The following CNTN2 variants were observed in gnomAD, a reference collection of about 807,000 sequenced individuals.
CNTN2 encodes the protein contactin-2.
Under a neutral mutation model 117.5 loss-of-function variants are expected in CNTN2, and 53 were observed. That is an observed-to-expected ratio of 0.45 (90% CI 0.36 to 0.57). The LOEUF (loss-of-function observed/expected upper bound fraction) is 0.57, where lower values mean the gene tolerates loss of function less well. Among genes scored for constraint, CNTN2 ranks in the 20% least tolerant of loss-of-function variants. The pLI, the probability that CNTN2 is intolerant of heterozygous loss-of-function variation, is 0.00. For missense variants in CNTN2, 1,106 were observed against 1,404.3 expected, an observed-to-expected ratio of 0.79 and a Z score of 3.39; for synonymous variants, 530 against 561.7, an observed-to-expected ratio of 0.94 and a Z score of 0.80.
rs1441694635 is a variant in CNTN2, at chr1:205,076,987, G to A, written c.*3222G>A. 1 of 152,182 alleles carries A rather than the reference G, an allele frequency of 6.6e-6. No homozygotes were observed. The highest frequency in any genetic ancestry group is 2.4e-5 in the African/African-American group (1 of 41,438). 9.4% of individuals were successfully genotyped at this position (152,182 alleles called of 1,614,324 possible). A position where few individuals can be genotyped will look rare whatever the true frequency, so the allele number is the denominator to read the frequency against. On this transcript the variant is annotated 3_prime_UTR_variant, in exon 23 of 23. Transcript: ENST00000331830. The stretch of plus-strand genomic sequence containing the variant: ...TCTGGAATGACCTTCCTCATTCCAG[G>A]AGGCCCTGGAATAAGGAAGAGGCTT...
chr1:205,064,788 T>C, intron 12 of CNTN2, 38 bp downstream of exon 12: 1 of 1,610,184 alleles, frequency 6.2e-7, no homozygotes. Context: ...GGGCTCAGCC[T>C]CCTCAGGGTA....
At position 205,058,587 on chromosome 1, in the gene CNTN2, G is replaced by A. The variant is rs1273875201; in HGVS notation, c.411G>A (p.Lys137=). The A allele has an allele frequency of 1.9e-6, 3 of 1,613,960 alleles. No individual in the cohort carries two copies. The highest frequency in any genetic ancestry group is 1.1e-5 in the South Asian group (1 of 91,064). The change falls in exon 5 of 23, where the codon AAG becomes AAA. Residue 137 remains lysine (K), a synonymous_variant. Transcript: ENST00000331830. This position sits in a 1 kb window ranked among gnomAD's most constrained non-coding sequence, Gnocchi z 4.3. ...CTCCAGTTCTGCAGGAATTCTCCAA[G>A]GAGGAGCGAGACCCAGTGAAAGCTC... ...LRFGFLQEFS[K]EERDPVKAHE...
rs10900444 is a variant in CNTN2 at position 205,075,288 on chromosome 1, C to A, written c.*1523C>A. ...ATGGGGATTGGCATGGCTGGGTTCC[C>A]GTCCAAGGTGTGGGCAGAGCTTCTA... On this transcript the variant is annotated 3_prime_UTR_variant, in exon 23 of 23. Coordinates refer to ENST00000331830, the MANE Select transcript of CNTN2 (RefSeq NM_005076.5). 148,847 of 163,738 alleles carry A rather than the reference C, an allele frequency of 0.91. 67,811 individuals carry two copies. Among genetic ancestry groups the A allele is most frequent in the East Asian group, 1 (5,823 of 5,828 alleles). 10.1% of individuals were successfully genotyped at this position (163,738 alleles called of 1,614,324 possible). A position where few individuals can be genotyped will look rare whatever the true frequency, so the allele number is the denominator to read the frequency against.
rs1420237444 is a variant in CNTN2, at chr1:205,058,522, C to A, written c.392-46C>A. On this transcript the variant is annotated intron_variant, in intron 4 of 22. Coordinates refer to ENST00000331830, the MANE Select transcript of CNTN2 (RefSeq NM_005076.5). This position sits in a 1 kb window ranked among gnomAD's most constrained non-coding sequence, Gnocchi z 4.3. ...GTGAAGGATGAGTCGGGGAGGGGCT[C>A]GCAGGCCAGGAGGACAGTGCCTGAG... is the stretch of plus-strand genomic sequence containing the variant. The A allele has an allele frequency of 1.9e-6, 3 of 1,597,802 alleles. No homozygotes were observed. The highest frequency in any genetic ancestry group is 1.1e-5 in the South Asian group (1 of 90,482).
chr1:205,065,377 T>G lies in CNTN2; in HGVS notation c.1695+115T>G. On this transcript the variant is annotated intron_variant, in intron 13 of 22. Transcript: ENST00000331830. This position sits in a 1 kb window ranked among gnomAD's most constrained non-coding sequence, Gnocchi z 4.1. ...AAACCCATAGCCTAAGCGCCCCCAT[T>G]CCCTCAGGCCCACACATGGCAAGCT... 9.2e-7 allele frequency: 1 copy of G among 1,084,728 alleles called. No homozygotes were observed. Among genetic ancestry groups the G allele is most frequent in the Non-Finnish European group, 1.3e-6 (1 of 747,300 alleles). The allele number at this position is 1,084,728 out of a possible 1,614,324, so 67.2% of individuals were successfully genotyped here.
chr1:205,072,789 A>C (rs1404152487), intron 21 of CNTN2, 194 bp downstream of exon 21: 2 of 659,354 alleles, frequency 3.0e-6, no homozygotes, highest in African/African-American at 3.7e-5. Context: ...AAACGGGCAG[A>C]TGGTATCACT....
Position 205,074,680 on chromosome 1 carries a change from C to A in CNTN2, c.*915C>A. 5.0e-6 allele frequency: 2 copies of A among 399,170 alleles called. No homozygotes were observed. Among genetic ancestry groups the A allele is most frequent in the Admixed American group, 4.4e-5 (1 of 22,744 alleles). The allele number at this position is 399,170 out of a possible 1,614,324, so 24.7% of individuals were successfully genotyped here. On this transcript the variant is annotated 3_prime_UTR_variant, in exon 23 of 23. Coordinates refer to ENST00000331830, the MANE Select transcript of CNTN2 (RefSeq NM_005076.5). ...AGGAGATGGCCAATCATGCGCCCAC[C>A]TCTCCAGTGCTGCCTGCAGTCAGCT...
In CNTN2 at chr1:205,067,140, T is replaced by C. The variant is rs1654334797; in HGVS notation, c.2015T>C (p.Val672Ala). 6.2e-7 allele frequency: 1 copy of C among 1,613,810 alleles called. No homozygotes were observed. Among genetic ancestry groups the C allele is most frequent in the African/African-American group, 1.3e-5 (1 of 74,888 alleles). ...NIEGNAETAQ[V>A]LGLTPWMDYE... ...GAGGGCAATGCCGAGACTGCACAGGTGCTGGGCCTCACCCCCTGGATGGAC... is the reference window on the plus strand; with the variant it reads ...GAGGGCAATGCCGAGACTGCACAGGCGCTGGGCCTCACCCCCTGGATGGAC... The change falls in exon 16 of 23, where the codon GTG (valine) becomes GCG (alanine). Residue 672 changes from valine (V) to alanine (A), a missense_variant. By Grantham distance (64) the Val-to-Ala change is moderately conservative. Coordinates refer to ENST00000331830, the MANE Select transcript of CNTN2 (RefSeq NM_005076.5).
In CNTN2 at chr1:205,067,260, C is replaced by T. The variant is rs1301103369; in HGVS notation, c.2125+10C>T. On this transcript the variant is annotated intron_variant, in intron 16 of 22. Transcript: ENST00000331830. ...CGGACCAGGGAAGCAGGTGAGAGTCCTGTGTGTCCCAAAAAGCTATCATCA... is the reference window on the plus strand; with the variant it reads ...CGGACCAGGGAAGCAGGTGAGAGTCTTGTGTGTCCCAAAAAGCTATCATCA... 6.2e-7 allele frequency: 1 copy of T among 1,607,200 alleles called. No individual in the cohort carries two copies. Among genetic ancestry groups the T allele is most frequent in the African/African-American group, 1.3e-5 (1 of 74,730 alleles).
Position 205,064,691 on chromosome 1 carries a change from C to T in CNTN2, c.1460C>T (p.Thr487Ile), listed in dbSNP as rs116647440. Residue 487 changes from threonine to isoleucine, a missense_variant, in exon 12 of 23, where the codon ACC becomes ATC. Physicochemically the swap from Thr to Ile is moderately conservative, Grantham distance 89 (BLOSUM62 -1). Coordinates refer to ENST00000331830, the MANE Select transcript of CNTN2 (RefSeq NM_005076.5). ...NISRSDEGKYTCFAENFMGKA... is the reference protein window; with the variant it reads ...NISRSDEGKYICFAENFMGKA... ...AGCCGGTCAGATGAAGGCAAATACA[C>T]CTGCTTTGCTGAGAACTTCATGGGC... is the stretch of plus-strand genomic sequence containing the variant. 4.6e-4 allele frequency: 746 copies of T among 1,614,182 alleles called. No individual in the cohort carries two copies. The highest frequency in any genetic ancestry group is 5.7e-4 in the Non-Finnish European group (670 of 1,180,022).
At chr1:205,072,352 C>T (rs56106622) in intron 20 of CNTN2, 131 bp from the exon 21 acceptor site, 155,222 of 779,506 alleles carry the variant, frequency 0.2, 17,453 homozygotes, top group East Asian at 0.5. Context: ...GGCTTTGTTT[C>T]GTGGGCATGA....
At chr1:205,047,819 A>G in intron 1 of CNTN2, among the ~76,000 whole-genome samples, 1 of 152,174 alleles carries the variant, frequency 6.6e-6, no homozygotes. Context: ...CTGAGCACTC[A>G]CTATGAGCCT....
chr1:205,066,952 T>A, intron 15 of CNTN2, 149 bp from the exon 16 acceptor site: 1 of 1,014,056 alleles, frequency 9.9e-7, no homozygotes, highest in East Asian at 2.6e-5. Context: ...AGTTTTTCAA[T>A]CATTTCTGAA....
At position 205,065,813 on chromosome 1, in the gene CNTN2, A is replaced by G. The variant is rs1224302096; in HGVS notation, c.1720A>G (p.Ile574Val). ...NVKETIGDLT[I>V]LNAQLRHGGK... is the part of the protein sequence containing the mutation. ...GAAGGAGACCATTGGGGATCTGACCATCCTGAACGCCCAGCTGCGCCATGG... is the reference window on the plus strand; with the variant it reads ...GAAGGAGACCATTGGGGATCTGACCGTCCTGAACGCCCAGCTGCGCCATGG... The change falls in exon 14 of 23, where the codon ATC (isoleucine) becomes GTC (valine). Residue 574 changes from isoleucine to valine, a missense_variant. Coordinates refer to ENST00000331830, the MANE Select transcript of CNTN2 (RefSeq NM_005076.5). This position sits in a 1 kb window ranked among gnomAD's most constrained non-coding sequence, Gnocchi z 4.1. The G allele has an allele frequency of 1.3e-6, 2 of 1,551,054 alleles. No homozygotes were observed. The highest frequency in any genetic ancestry group is 3.6e-5 in the Admixed American group (2 of 56,206).
At chr1:205,055,661 G>A (rs1248637361) in intron 2 of CNTN2, among the ~76,000 whole-genome samples, 1 of 152,198 alleles carries the variant, frequency 6.6e-6, no homozygotes, top group Non-Finnish European at 1.5e-5. Flanking sequence ...GAGGTCAAGA[G>A]TCAGGAACAG....
At position 205,069,914 on chromosome 1, in the gene CNTN2, C is replaced by T; in HGVS notation, c.2284C>T (p.Arg762Trp). ...GGGCAGCACTCACTGGCAGACCGCC[C>T]GGGTGCCTGGCGCCGATGCCCAGTA... ...RQGSTHWQTA[R>W]VPGADAQYFV... The change falls in exon 18 of 23, where the codon CGG (arginine) becomes TGG (tryptophan). Residue 762 changes from arginine to tryptophan, a missense_variant. Physicochemically the swap from Arg to Trp is moderately radical, Grantham distance 101. Coordinates refer to ENST00000331830, the MANE Select transcript of CNTN2 (RefSeq NM_005076.5). 6.2e-7 allele frequency: 1 copy of T among 1,613,850 alleles called. No individual in the cohort carries two copies. The highest frequency in any genetic ancestry group is 8.5e-7 in the Non-Finnish European group (1 of 1,180,018).
rs757678300 is a variant in CNTN2 at position 205,074,715 on chromosome 1, C to T, written c.*950C>T. The T allele has an allele frequency of 7.0e-5, 28 of 399,062 alleles. No homozygotes were observed. Among genetic ancestry groups the T allele is most frequent in the African/African-American group, 3.1e-4 (15 of 48,620 alleles). The allele number at this position is 399,062 out of a possible 1,614,324, so 24.7% of individuals were successfully genotyped here. A position where few individuals can be genotyped will look rare whatever the true frequency, so the allele number is the denominator to read the frequency against. Reference sequence around the variant, plus strand: ...CTGCCTGCAGTCAGCTCGGCCTCCCCGACCTGCAGCCCCAGACTCTGCTCT... The same window carrying T: ...CTGCCTGCAGTCAGCTCGGCCTCCCTGACCTGCAGCCCCAGACTCTGCTCT... On this transcript the variant is annotated 3_prime_UTR_variant, in exon 23 of 23. Coordinates refer to ENST00000331830, the MANE Select transcript of CNTN2 (RefSeq NM_005076.5).
rs145911280 is a variant in CNTN2 at position 205,064,368 on chromosome 1, C to T, written c.1287C>T (p.Pro429=). 3.3e-4 allele frequency: 536 copies of T among 1,606,778 alleles called. 4 individuals are homozygous for T. The African/African-American group carries it at 6.5e-3, about 20-fold the overall frequency. Residue 429 remains proline (P), a synonymous_variant, in exon 11 of 23, where the codon CCC becomes CCT. Transcript: ENST00000331830. ...FRLNPVRRLI[P]AARGGEILIP... ...TGAATCCCGTGAGGCGTCTGATCCC[C>T]GCGGCCCGCGGGGGAGAGATCCTTA...
intron 1 of CNTN2, among the ~76,000 whole-genome samples, chr1:205,050,147 T>G (rs941776949): frequency 6.6e-6 from 1 of 152,246 alleles, no homozygotes; most frequent in Non-Finnish European, 1.5e-5. Flanking sequence ...AACTCCTGTT[T>G]ATCAGGTTCA....
Sources: allele counts gnomAD v4.1 joint callset (sites outside exome capture counted in the v4.1 genomes callset), GRCh38; gene constraint gnomAD v4.1.1; non-coding constraint Gnocchi (gnomAD v3.1); transcripts MANE v1.5; gene names NCBI Gene and HGNC (gene_info 2026-07-23, HGNC 2026-07-21).